Variants in PITPNM1 observed in about 807,000 individuals in gnomAD.
The protein encoded by PITPNM1 is phosphatidylinositol transfer protein membrane associated 1, also known as membrane-associated phosphatidylinositol transfer protein 1.
Under a neutral mutation model 133.3 loss-of-function variants are expected in PITPNM1, and 74 were observed. The observed-to-expected ratio is 0.56, with a 90% CI of 0.46 to 0.67. The LOEUF is 0.67. PITPNM1 is among the 30% of genes least tolerant of loss of function. The probability of loss-of-function intolerance (pLI) is 0.00; values close to 1 mark genes in which losing one functional copy is unlikely to be tolerated. For synonymous variants in PITPNM1, 738 were observed against 741.4 expected, an observed-to-expected ratio of 1.00 and a Z score of 0.08; for missense variants, 1,398 against 1,739.5, an observed-to-expected ratio of 0.80 and a Z score of 3.49.
intron 14 of PITPNM1, 164 bp downstream of exon 14, chr11:67,497,067 G>A (rs375447956): frequency 1.0e-5 from 6 of 571,562 alleles, no homozygotes; most frequent in Admixed American, 3.5e-5. Flanking sequence ...CACCCTTGGC[G>A]AGTCCCTTCT....
intron 14 of PITPNM1, 112 bp downstream of exon 14, chr11:67,497,119 T>G: frequency 4.6e-6 from 4 of 863,408 alleles, no homozygotes; most frequent in Non-Finnish European, 6.9e-6. Context: ...GGCCTTTGAA[T>G]TAGTACAGTG....
In PITPNM1 at chr11:67,501,884, G is replaced by C; in HGVS notation, c.618C>G (p.Ile206Met). ...CACCTACATCATGGATGAACTGCTC[G>C]ATCTTGGCTTGCATGCCCCAGTAGC... ...EFRYWGMQAK[I>M]EQFIHDVGLR... The change falls in exon 5 of 24, where the codon ATC becomes ATG. Residue 206 changes from isoleucine (I) to methionine (M), a missense_variant. By Grantham distance (10) the Ile-to-Met change is conservative (BLOSUM62 1). Around this residue, in one of 5 missense-constraint regions of PITPNM1, gnomAD observed 274 missense variants for 360.7 expected, o/e 0.76. Coordinates refer to ENST00000356404, the MANE Select transcript of PITPNM1 (RefSeq NM_004910.3). 1 of 1,613,648 alleles carries C rather than the reference G, an allele frequency of 6.2e-7. No homozygotes were observed. The highest frequency in any genetic ancestry group is 8.5e-7 in the Non-Finnish European group (1 of 1,179,988).
chr11:67,494,221 C>A, intron 19 of PITPNM1, 23 bp downstream of exon 19: 2 of 1,600,430 alleles, frequency 1.2e-6, no homozygotes, highest in Non-Finnish European at 1.7e-6. Flanking sequence ...TGGGACCAGG[C>A]GACAGGGCCT....
At position 67,497,323 on chromosome 11, in the gene PITPNM1, C is replaced by A. The variant is rs141205322; in HGVS notation, c.2054G>T (p.Arg685Leu). Residue 685 changes from arginine to leucine, a missense_variant, in exon 14 of 24, where the codon CGC (arginine) becomes CTC (leucine). Arg to Leu is a moderately radical substitution (Grantham distance 102). Coordinates refer to ENST00000356404, the MANE Select transcript of PITPNM1 (RefSeq NM_004910.3). ...GAAGCCAGAGACCTTGAAGTCAAGG[C>A]GGGCAGTGCTGCTGGGGCCGTCAGG... ...EAPDGPSSTA[R>L]LDFKVSGFFL... 2 of 1,611,788 alleles carry A rather than the reference C, an allele frequency of 1.2e-6. No homozygotes were observed. Among genetic ancestry groups the A allele is most frequent in the East Asian group, 2.2e-5 (1 of 44,854 alleles).
chr11:67,499,143 C>T, intron 8 of PITPNM1, 142 bp from the exon 9 acceptor site: 1 of 776,734 alleles, frequency 1.3e-6, no homozygotes, highest in Non-Finnish European at 2.0e-6. Flanking sequence ...CACCAACTCT[C>T]CCAGGTCAGT....
intron 23 of PITPNM1, among the ~76,000 whole-genome samples, 160 bp downstream of exon 23, chr11:67,492,774 C>G (rs1291527390): frequency 1.3e-5 from 2 of 152,280 alleles, no homozygotes; most frequent in African/African-American, 4.8e-5. Flanking sequence ...CAGCTGGCAG[C>G]TCAAGCTGCT....
Position 67,500,340 on chromosome 11 carries a change from A to T in PITPNM1, c.722T>A (p.Ile241Asn). 6.2e-7 allele frequency: 1 copy of T among 1,612,128 alleles called. No homozygotes were observed. The highest frequency in any genetic ancestry group is 8.5e-7 in the Non-Finnish European group (1 of 1,179,906). Reference sequence around the variant, plus strand: ...AGCAGTCTCCTCTTCCAGTGCCCGGATGTCAGCCATGCTCAGCTCTGTCCA... The same window carrying T: ...AGCAGTCTCCTCTTCCAGTGCCCGGTTGTCAGCCATGCTCAGCTCTGTCCA... ...DEWTELSMAD[I>N]RALEEETARM... is the part of the protein sequence containing the mutation. The change falls in exon 6 of 24, where the codon ATC becomes AAC. Residue 241 changes from isoleucine (I) to asparagine (N), a missense_variant. Around this residue, in one of 5 missense-constraint regions of PITPNM1, gnomAD observed 274 missense variants for 360.7 expected, o/e 0.76. Coordinates refer to ENST00000356404, the MANE Select transcript of PITPNM1 (RefSeq NM_004910.3).
In PITPNM1 at chr11:67,504,388, G is replaced by A. The variant is rs1171462633; in HGVS notation, c.-41-167C>T. 8.2e-6 allele frequency: 2 copies of A among 243,962 alleles called. No individual in the cohort carries two copies. Among genetic ancestry groups the A allele is most frequent in the South Asian group, 3.5e-4 (2 of 5,718 alleles). The allele number at this position is 243,962 out of a possible 1,614,324, so 15.1% of individuals were successfully genotyped here. ...GCCCGCGCCGCCGGGGCCGGGAGCC[G>A]CAGCGAGGCTGAGCGCTGACCTCTT... On this transcript the variant is annotated intron_variant, in intron 1 of 23. Transcript: ENST00000356404. This position sits in a 1 kb window ranked among gnomAD's most constrained non-coding sequence, Gnocchi z 5.4.
At position 67,494,900 on chromosome 11, in the gene PITPNM1, G is replaced by A. The variant is rs766685017; in HGVS notation, c.2688C>T (p.Ser896=). The A allele has an allele frequency of 6.2e-7, 1 of 1,613,016 alleles. No homozygotes were observed. Among genetic ancestry groups the A allele is most frequent in the South Asian group, 1.1e-5 (1 of 91,090 alleles). Residue 896 remains serine (S), a synonymous_variant, in exon 18 of 24, where the codon AGC becomes AGT. Transcript: ENST00000356404. ...GCCACTTCTCCCTGGGGAAGGCCGG[G>A]CTGTAGATGGACGGCTCCTCGCATT... The part of the protein sequence containing the change: ...LAECEEPSIY[S]PAFPREKWQR...
chr11:67,502,626 T>C lies in PITPNM1; in HGVS notation c.171A>G (p.Gln57=), dbSNP rs764522064. The C allele has an allele frequency of 3.7e-6, 6 of 1,613,570 alleles. No homozygotes were observed. Among genetic ancestry groups the C allele is most frequent in the Non-Finnish European group, 4.2e-6 (5 of 1,180,020 alleles). Residue 57 remains glutamine, a synonymous_variant, in exon 3 of 24, where the codon CAA becomes CAG. Coordinates refer to ENST00000356404, the MANE Select transcript of PITPNM1 (RefSeq NM_004910.3). This position sits in a 1 kb window ranked among gnomAD's most constrained non-coding sequence, Gnocchi z 5.9. The part of the protein sequence containing the change: ...PYTDGPGGSG[Q]YTHKVYHVGS... ...CCACGTGGTACACCTTGTGTGTGTA[T>C]TGCCCGCTGCCCCCGGGCCCATCCG...
rs1591062798 is a variant in PITPNM1, at chr11:67,499,766, G to A, written c.1128C>T (p.Phe376=). 1 of 1,520,884 alleles carries A rather than the reference G, an allele frequency of 6.6e-7. No homozygotes were observed. The highest frequency in any genetic ancestry group is 8.8e-7 in the Non-Finnish European group (1 of 1,131,000). The allele number at this position is 1,520,884 out of a possible 1,614,324, so 94.2% of individuals were successfully genotyped here. A position where few individuals can be genotyped will look rare whatever the true frequency, so the allele number is the denominator to read the frequency against. ...KEMTKWNSND[F]IDAFASPVEA... ...CCACTGGGGAGGCAAAGGCATCAAT[G>A]AAGTCATTGGAGTTCCACTTGGTCA... The change falls in exon 8 of 24, where the codon TTC becomes TTT. Residue 376 remains phenylalanine (F), a synonymous_variant. Coordinates refer to ENST00000356404, the MANE Select transcript of PITPNM1 (RefSeq NM_004910.3).
Position 67,504,725 on chromosome 11 carries a change from T to A in PITPNM1, c.-42+463A>T, listed in dbSNP as rs1866444050. On this transcript the variant is annotated intron_variant, in intron 1 of 23. Transcript: ENST00000356404. The surrounding 1 kb of genome is among the most constrained non-coding windows in gnomAD (Gnocchi z 5.4). ...CCTAGAGCTTTGTTCCCCGAGTGTC[T>A]CTGCGCGGAGTGGCCCAGTGCGCCC... is the stretch of plus-strand genomic sequence containing the variant. 1 of 152,320 alleles carries A rather than the reference T, an allele frequency of 6.6e-6. No homozygotes were observed. The highest frequency in any genetic ancestry group is 2.4e-5 in the African/African-American group (1 of 41,386). The allele number at this position is 152,320 out of a possible 1,614,324, so 9.4% of individuals were successfully genotyped here.
At position 67,500,054 on chromosome 11, in the gene PITPNM1, T is replaced by C. The variant is rs199979647; in HGVS notation, c.967+41A>G. On this transcript the variant is annotated intron_variant, in intron 6 of 23. Transcript: ENST00000356404. ...TCAGCCTCAGCCCAGGAGCCCAGCC[T>C]GGGGAGGGCCGTTCCTCCCATCCCT... 3.7e-6 allele frequency: 6 copies of C among 1,604,760 alleles called. No individual in the cohort carries two copies. The African/African-American group carries it at 6.7e-5, about 18-fold the overall frequency.
chr11:67,498,840 C>T lies in PITPNM1; in HGVS notation c.1240G>A (p.Asp414Asn). The T allele has an allele frequency of 6.2e-7, 1 of 1,609,948 alleles. No individual in the cohort carries two copies. The change falls in exon 10 of 24, where the codon GAT becomes AAT. Residue 414 changes from aspartate to asparagine, a missense_variant. Asp to Asn is a conservative substitution (Grantham distance 23, BLOSUM62 1). Transcript: ENST00000356404. The surrounding 1 kb of genome is among the most constrained non-coding windows in gnomAD (Gnocchi z 5.7). ...TCAGCCCCCAGCTCCCCGGCTCCAT[C>T]CAGGCCCTGGGGGGAACAATGGGGT... ...AQAPRDSEGL[D>N]GAGELGAEAC... is the part of the protein sequence containing the mutation.
chr11:67,505,784 C>T (rs1866490201), upstream of PITPNM1, among the ~76,000 whole-genome samples: 2 of 152,326 alleles, frequency 1.3e-5, no homozygotes, highest in South Asian at 4.1e-4. The surrounding 1 kb of genome is among the most constrained non-coding windows in gnomAD (Gnocchi z 5.8). Context: ...GGGCTGGGCT[C>T]GGCTCCAGGG....
At chr11:67,503,404 C>T (rs1866395543) in intron 2 of PITPNM1, among the ~76,000 whole-genome samples, 1 of 152,168 alleles carries the variant, frequency 6.6e-6, no homozygotes, top group Non-Finnish European at 1.5e-5. Flanking sequence ...GACCCTGGCC[C>T]CCTCCCTCTC....
chr11:67,502,385 A>G lies in PITPNM1; in HGVS notation c.322T>C (p.Ser108Pro). The change falls in exon 4 of 24, where the codon TCC becomes CCC. Residue 108 changes from serine to proline, a missense_variant. Physicochemically the swap from Ser to Pro is moderately conservative, Grantham distance 74. Around this residue, in one of 5 missense-constraint regions of PITPNM1, gnomAD observed 274 missense variants for 360.7 expected, o/e 0.76. Transcript: ENST00000356404. This position sits in a 1 kb window ranked among gnomAD's most constrained non-coding sequence, Gnocchi z 5.9. ...AGGTAATAGGTCTCAATTTCAATGG[A>G]GAATTTCTCCACGAAAGGGCAGGTG... ...RYTCPFVEKF[S>P]IEIETYYLPD... The G allele has an allele frequency of 6.2e-7, 1 of 1,613,898 alleles. No individual in the cohort carries two copies. The highest frequency in any genetic ancestry group is 8.5e-7 in the Non-Finnish European group (1 of 1,180,018).
rs757794534 is a variant in PITPNM1 at position 67,495,595 on chromosome 11, A to G, written c.2325T>C (p.Thr775=). Residue 775 remains threonine, a synonymous_variant, in exon 16 of 24, where the codon ACT becomes ACC. Coordinates refer to ENST00000356404, the MANE Select transcript of PITPNM1 (RefSeq NM_004910.3). ...GDGSSLLLAD[T]LQTHSSLFLE... ...GAAAGAGGCTGGAGTGCGTCTGCAG[A>G]GTGTCGGCTGGGGGAAGGAGGGCAA... is the stretch of plus-strand genomic sequence containing the variant. 1.9e-6 allele frequency: 3 copies of G among 1,564,916 alleles called. No homozygotes were observed. The highest frequency in any genetic ancestry group is 1.4e-5 in the African/African-American group (1 of 72,334).
rs201501265 is a variant in PITPNM1, at chr11:67,497,957, G to A, written c.1742C>T (p.Ala581Val). 134 of 1,611,134 alleles carry A rather than the reference G, an allele frequency of 8.3e-5. No homozygotes were observed. The highest frequency in any genetic ancestry group is 4.5e-4 in the Admixed American group (27 of 60,010). The change falls in exon 12 of 24, where the codon GCG becomes GTG. Residue 581 changes from alanine (A) to valine (V), a missense_variant. Ala to Val is a moderately conservative substitution (Grantham distance 64). Transcript: ENST00000356404. ...GFDALCHSANAGTGSRGSSRR... is the reference protein window; with the variant it reads ...GFDALCHSANVGTGSRGSSRR... The stretch of plus-strand genomic sequence containing the variant: ...GCTGCTGCCCCGACTCCCGGTGCCC[G>A]CGTTAGCACTGTGGCAGAGTGCATC...
Sources: allele counts gnomAD v4.1 joint callset (sites outside exome capture counted in the v4.1 genomes callset), GRCh38; gene constraint gnomAD v4.1.1; regional missense constraint gnomAD v4.1.1; non-coding constraint Gnocchi (gnomAD v3.1); transcripts MANE v1.5; gene names NCBI Gene and HGNC (gene_info 2026-07-23, HGNC 2026-07-21).